The following TMEM132C variants were observed in gnomAD, a reference collection of about 807,000 sequenced individuals.
The protein encoded by TMEM132C is protein phosphatase 1, regulatory subunit 152.
In TMEM132C, 29 loss-of-function variants were observed where a neutral mutation model predicts 61.4. That is an observed-to-expected ratio of 0.47 (90% CI 0.35 to 0.64). The LOEUF (loss-of-function observed/expected upper bound fraction) is 0.64, where lower values mean the gene tolerates loss of function less well. Among genes scored for constraint, TMEM132C ranks in the 30% least tolerant of loss-of-function variants. The pLI is 0.00. For missense variants in TMEM132C, 1,408 were observed against 1,476.9 expected, an observed-to-expected ratio of 0.95 and a Z score of 0.76; for synonymous variants, 656 against 633.1, an observed-to-expected ratio of 1.04 and a Z score of -0.54.
chr12:128,374,692 C>T (rs557706000), intron 1 of TMEM132C, among the ~76,000 whole-genome samples: 3 of 150,626 alleles, frequency 2.0e-5, no homozygotes, highest in Non-Finnish European at 4.4e-5. Flanking sequence ...AGACAAATGA[C>T]CATACAACAC....
intron 2 of TMEM132C, among the ~76,000 whole-genome samples, chr12:128,437,173 T>C (rs11613335): frequency 0.13 from 19,078 of 152,096 alleles, 1,241 homozygotes; most frequent in South Asian, 0.14. Context: ...GGAGGGATAG[T>C]ATTAGGAGAA....
At chr12:128,437,134 T>C (rs2398413) in intron 2 of TMEM132C, among the ~76,000 whole-genome samples, 112,419 of 151,688 alleles carry the variant, frequency 0.74, 42,738 homozygotes, top group Non-Finnish European at 0.82. Context: ...CATCACACAC[T>C]GGGGCATGTC....
At chr12:128,509,778 CAG>C (rs1183074232) in intron 2 of TMEM132C, among the ~76,000 whole-genome samples, 1 of 152,096 alleles carries the variant, frequency 6.6e-6, no homozygotes, top group Non-Finnish European at 1.5e-5. Flanking sequence ...TCTTGGTGGA[CAG>C]GGGAGGATTT....
chr12:128,391,610 G>C (rs1273967310), intron 1 of TMEM132C, among the ~76,000 whole-genome samples: 1 of 152,210 alleles, frequency 6.6e-6, no homozygotes, highest in African/African-American at 2.4e-5. Flanking sequence ...CATTGACATA[G>C]TTCATCCTTA....
intron 1 of TMEM132C, among the ~76,000 whole-genome samples, chr12:128,349,920 C>CAT (rs1308329051): frequency 0.039 from 282 of 7,288 alleles, 1 homozygote; most frequent in Admixed American, 0.11. Flanking sequence ...ACGTACCGTA[C>CAT]ACACACACAC....
intron 3 of TMEM132C, among the ~76,000 whole-genome samples, chr12:128,573,630 A>G (rs549463290): frequency 4.5e-4 from 67 of 150,556 alleles, no homozygotes; most frequent in Non-Finnish European, 7.7e-4. Flanking sequence ...AAAAAGATTA[A>G]AAAAAAAAGA....
rs752304711 is a variant in TMEM132C, at chr12:128,695,995, C to G, written c.1821C>G (p.Asp607Glu). Residue 607 changes from aspartate to glutamate, a missense_variant, in exon 7 of 9, where the codon GAC (aspartate) becomes GAG (glutamate). By Grantham distance (45) the Asp-to-Glu change is conservative (BLOSUM62 2). Coordinates refer to ENST00000435159, the MANE Select transcript of TMEM132C (RefSeq NM_001136103.3). ...TGCTTAGTCCTAACTGGCAGTTCGA[C>G]ATCACTCACCTGGTGGCAGACTTCA... ...NYLLSPNWQF[D>E]ITHLVADFMK... The G allele has an allele frequency of 3.9e-6, 6 of 1,551,686 alleles. No homozygotes were observed. Among genetic ancestry groups the G allele is most frequent in the Non-Finnish European group, 5.2e-6 (6 of 1,147,030 alleles).
chr12:128,565,864 T>A (rs1333880711), intron 3 of TMEM132C, among the ~76,000 whole-genome samples: 2 of 147,878 alleles, frequency 1.4e-5, no homozygotes, highest in African/African-American at 5.0e-5. Context: ...CATAATATAA[T>A]CTAAATAGGT....
chr12:128,581,790 G>T (rs1875345604), intron 3 of TMEM132C, among the ~76,000 whole-genome samples: 1 of 152,210 alleles, frequency 6.6e-6, no homozygotes, highest in African/African-American at 2.4e-5. Flanking sequence ...GAAAGCAGAT[G>T]TTTTATTCAG....
intron 4 of TMEM132C, among the ~76,000 whole-genome samples, chr12:128,643,679 A>G (rs960767147): frequency 2.0e-5 from 3 of 152,224 alleles, no homozygotes; most frequent in Non-Finnish European, 2.9e-5. Context: ...TGTTTTGATC[A>G]TTTAAATTGT....
At chr12:128,704,755 T>A (rs1954824597) in intron 8 of TMEM132C, among the ~76,000 whole-genome samples, 1 of 152,228 alleles carries the variant, frequency 6.6e-6, no homozygotes, top group Non-Finnish European at 1.5e-5. Context: ...AGTCATTGTC[T>A]GTGAACATGC....
At chr12:128,427,746 T>G (rs1203742906) in intron 2 of TMEM132C, among the ~76,000 whole-genome samples, 1 of 152,214 alleles carries the variant, frequency 6.6e-6, no homozygotes, top group Non-Finnish European at 1.5e-5. Context: ...CTTGTGGCTC[T>G]CACTCAGATG....
At chr12:128,385,816 G>A (rs1166396933) in intron 1 of TMEM132C, among the ~76,000 whole-genome samples, 3 of 152,146 alleles carry the variant, frequency 2.0e-5, no homozygotes, top group Non-Finnish European at 4.4e-5. Context: ...TTTGATCTGC[G>A]GCTCTGATTT....
intron 1 of TMEM132C, among the ~76,000 whole-genome samples, chr12:128,358,138 C>T (rs1176421245): frequency 6.6e-6 from 1 of 152,100 alleles, no homozygotes; most frequent in Non-Finnish European, 1.5e-5. Context: ...CAGAGAGGCC[C>T]AGGGTGGAAC....
intron 1 of TMEM132C, among the ~76,000 whole-genome samples, chr12:128,310,112 T>G (rs1871919948): frequency 1.3e-5 from 2 of 152,222 alleles, no homozygotes; most frequent in Non-Finnish European, 2.9e-5. Context: ...TGCAAACCTT[T>G]GACTAATCAA....
chr12:128,389,406 G>T (rs549582841), intron 1 of TMEM132C, among the ~76,000 whole-genome samples: 2 of 152,152 alleles, frequency 1.3e-5, no homozygotes, highest in Admixed American at 6.5e-5. Context: ...AGCTGCTTCC[G>T]CTGGGACGGT....
chr12:128,303,450 C>A (rs1019771108), intron 1 of TMEM132C, among the ~76,000 whole-genome samples: 1 of 152,158 alleles, frequency 6.6e-6, no homozygotes, highest in Non-Finnish European at 1.5e-5. Context: ...GATGAGGGAA[C>A]AATGATTTTA....
chr12:128,301,909 G>GAC (rs1454143695), intron 1 of TMEM132C, among the ~76,000 whole-genome samples: 5 of 152,204 alleles, frequency 3.3e-5, no homozygotes, highest in East Asian at 3.8e-4. Context: ...CATGGTGGCA[G>GAC]ATGAGAGAAA....
chr12:128,340,896 T>TCTC (rs1872949456), intron 1 of TMEM132C, among the ~76,000 whole-genome samples: 1 of 132,946 alleles, frequency 7.5e-6, no homozygotes, highest in African/African-American at 3.2e-5. Context: ...TTTTCTTTCT[T>TCTC]TCTCTCTTTC....
Sources: gnomAD v4.1 joint callset for allele counts (sites outside exome capture counted in the v4.1 genomes callset) on GRCh38, gnomAD v4.1.1 for gene constraint, MANE v1.5 for transcripts, NCBI Gene and HGNC (gene_info 2026-07-23, HGNC 2026-07-21) for gene names.